Variants in ZNF75A observed in about 807,000 individuals in gnomAD.
ZNF75A encodes the protein zinc finger protein 75A.
Under a neutral mutation model 46.3 loss-of-function variants are expected in ZNF75A, and 36 were observed. The observed-to-expected ratio is 0.78, with a 90% CI of 0.60 to 1.03. The LOEUF (loss-of-function observed/expected upper bound fraction) is 1.03. Ranked by LOEUF, ZNF75A falls within the 50% of genes least tolerant of loss-of-function variation. The pLI is 0.00. For missense variants in ZNF75A, 595 were observed against 551.3 expected, an observed-to-expected ratio of 1.08 and a Z score of -0.79; for synonymous variants, 234 against 189.9, an observed-to-expected ratio of 1.23 and a Z score of -1.91.
At chr16:3,312,189 G>A (rs995194329) in intron 3 of ZNF75A, 5 of 152,626 alleles carry the variant, frequency 3.3e-5, no homozygotes, top group Admixed American at 2.6e-4. Context: ...TGTGAACTCT[G>A]TTCCTTAGAC....
At chr16:3,310,486 A>G (rs1160617942) in intron 2 of ZNF75A, 2 of 158,854 alleles carry the variant, frequency 1.3e-5, no homozygotes, top group Non-Finnish European at 2.7e-5. Context: ...TCAGCTGGGC[A>G]TGGTGGCGTG....
At chr16:3,315,043 G>T (rs575535695) in intron 5 of ZNF75A, 1 of 985,256 alleles carries the variant, frequency 1.0e-6, no homozygotes, top group East Asian at 1.1e-4. Context: ...AGCTTTTCCA[G>T]ATGTACGTGC....
At chr16:3,322,922 G>A (rs554224666), downstream of ZNF75A, 3 of 985,292 alleles carry the variant, frequency 3.0e-6, no homozygotes, top group East Asian at 3.4e-4. Context: ...TAGGATAGAA[G>A]ATTCAACAAA....
Position 3,316,937 on chromosome 16 carries a change from A to C in ZNF75A, c.849A>C (p.Lys283Asn). 3 of 1,613,600 alleles carry C rather than the reference A, an allele frequency of 1.9e-6. No homozygotes were observed. The highest frequency in any genetic ancestry group is 2.5e-6 in the Non-Finnish European group (3 of 1,179,816). The change falls in exon 6 of 7, where the codon AAA becomes AAC. Residue 283 changes from lysine to asparagine, a missense_variant. Lys to Asn is a moderately conservative substitution (Grantham distance 94). Transcript: ENST00000669516. Reference sequence around the variant, plus strand: ...CATTGTTTGTGCTCCCCAAACCTAAAGTGATCTCCTGTCTAGAGCAAGGGG... The same window carrying C: ...CATTGTTTGTGCTCCCCAAACCTAACGTGATCTCCTGTCTAGAGCAAGGGG... ...SLALFVLPKP[K>N]VISCLEQGEE...
intron 2 of ZNF75A, chr16:3,311,039 CTT>C (rs1395659879): frequency 4.2e-6 from 3 of 721,786 alleles, no homozygotes; most frequent in East Asian, 2.6e-4. Flanking sequence ...GACAGGAAAA[CTT>C]TTAAATTCAT....
intron 5 of ZNF75A, chr16:3,314,922 G>A: frequency 1.0e-6 from 1 of 985,344 alleles, no homozygotes. Context: ...TCTGTTCTCA[G>A]TTTACTGAGA....
chr16:3,322,900 A>G (rs1425024059), downstream of ZNF75A: 1 of 985,148 alleles, frequency 1.0e-6, no homozygotes, highest in Non-Finnish European at 1.2e-6. Context: ...CTCATTCACC[A>G]ACATTAAACC....
chr16:3,309,843 A>C (rs1020107800), intron 2 of ZNF75A, among the ~76,000 whole-genome samples: 4 of 151,846 alleles, frequency 2.6e-5, no homozygotes, highest in African/African-American at 9.7e-5. Context: ...TCGGTGGCTC[A>C]TGCCTATATT....
downstream of ZNF75A, among the ~76,000 whole-genome samples, chr16:3,321,462 G>A (rs1177731611): frequency 1.3e-5 from 2 of 152,128 alleles, no homozygotes; most frequent in Admixed American, 6.5e-5. Flanking sequence ...TAAGCAGACT[G>A]GACCTTGAGC....
In ZNF75A at chr16:3,318,553, A is replaced by G. The variant is rs919473737; in HGVS notation, c.*684A>G. ...ATATTAGATGTAAAGAATTTTCTGCAATAAAAGAAACTAGACTTGTTAATC... is the reference window on the plus strand; with the variant it reads ...ATATTAGATGTAAAGAATTTTCTGCGATAAAAGAAACTAGACTTGTTAATC... On this transcript the variant is annotated 3_prime_UTR_variant, in exon 7 of 7. Coordinates refer to ENST00000669516, the MANE Select transcript of ZNF75A (RefSeq NM_001302109.2). 2.0e-6 allele frequency: 2 copies of G among 985,350 alleles called. No individual in the cohort carries two copies. Among genetic ancestry groups the G allele is most frequent in the African/African-American group, 1.7e-5 (1 of 57,248 alleles). The allele number at this position is 985,350 out of a possible 1,614,324, so 61.0% of individuals were successfully genotyped here.
In ZNF75A at chr16:3,317,672, T is replaced by A; in HGVS notation, c.1417T>A (p.Leu473Ile). ...CGKSFSQNTN[L>I]HTHQRTHTGE... is the part of the protein sequence containing the mutation. ...GAAAAGCTTCAGTCAAAATACAAAT[T>A]TACATACACACCAAAGAACTCATAC... is the stretch of plus-strand genomic sequence containing the variant. Residue 473 changes from leucine (L) to isoleucine (I), a missense_variant, in exon 7 of 7, where the codon TTA (leucine) becomes ATA (isoleucine). Physicochemically the swap from Leu to Ile is conservative, Grantham distance 5. Coordinates refer to ENST00000669516, the MANE Select transcript of ZNF75A (RefSeq NM_001302109.2). 1 of 1,613,976 alleles carries A rather than the reference T, an allele frequency of 6.2e-7. No homozygotes were observed. The highest frequency in any genetic ancestry group is 8.5e-7 in the Non-Finnish European group (1 of 1,179,980).
chr16:3,316,712 A>T (rs1313331483), intron 5 of ZNF75A, 200 bp from the exon 6 acceptor site: 1 of 440,276 alleles, frequency 2.3e-6, no homozygotes, highest in Non-Finnish European at 4.0e-6. Flanking sequence ...CCGTAGATTT[A>T]TTTCTTAGTC....
chr16:3,310,957 G>A, intron 2 of ZNF75A: 2 of 985,400 alleles, frequency 2.0e-6, no homozygotes, highest in Non-Finnish European at 2.4e-6. Flanking sequence ...GTAGGTTGGA[G>A]CCACTCCCCT....
chr16:3,318,028 G>A lies in ZNF75A; in HGVS notation c.*159G>A, dbSNP rs1462344228. The A allele has an allele frequency of 2.8e-6, 4 of 1,415,800 alleles. No individual in the cohort carries two copies. The highest frequency in any genetic ancestry group is 3.1e-5 in the Admixed American group (1 of 32,424). 87.7% of individuals were successfully genotyped at this position (1,415,800 alleles called of 1,614,324 possible). A position where few individuals can be genotyped will look rare whatever the true frequency, so the allele number is the denominator to read the frequency against. ...GAAAATAATCAAGACTTGCTCTGCA[G>A]CCACTCAGTAGTCTTCTGTGGTCAC... is the stretch of plus-strand genomic sequence containing the variant. On this transcript the variant is annotated 3_prime_UTR_variant, in exon 7 of 7. Coordinates refer to ENST00000669516, the MANE Select transcript of ZNF75A (RefSeq NM_001302109.2).
At chr16:3,320,266 G>C (rs963324895), downstream of ZNF75A, among the ~76,000 whole-genome samples, 2 of 152,136 alleles carry the variant, frequency 1.3e-5, no homozygotes, top group African/African-American at 2.4e-5. Flanking sequence ...GGATGGTCTT[G>C]GTCTCCTGAC....
At chr16:3,314,879 AT>A (rs1961082484) in intron 5 of ZNF75A, 3 of 985,242 alleles carry the variant, frequency 3.0e-6, no homozygotes, top group Non-Finnish European at 3.6e-6. Flanking sequence ...CTAGGTAAAG[AT>A]TCTCCCTTCT....
intron 2 of ZNF75A, among the ~76,000 whole-genome samples, chr16:3,310,085 C>T (rs1041819991): frequency 6.6e-6 from 1 of 151,730 alleles, no homozygotes; most frequent in African/African-American, 2.4e-5. Flanking sequence ...CAGAGTGAGA[C>T]CTTGTCTCTT....
In ZNF75A at chr16:3,308,417, TC is replaced by T; in HGVS notation, c.-10del. On this transcript the variant is annotated 5_prime_UTR_variant, in exon 2 of 7. Coordinates refer to ENST00000669516, the MANE Select transcript of ZNF75A (RefSeq NM_001302109.2). ...GGTGTCTTAACACAGGAGCAGAACT[TC>T]CTAGAGCAGAATGATGATGGTAGAT... 1.0e-6 allele frequency: 1 copy of T among 985,860 alleles called. No individual in the cohort carries two copies. Among genetic ancestry groups the T allele is most frequent in the Non-Finnish European group, 1.2e-6 (1 of 829,952 alleles). 61.1% of individuals were successfully genotyped at this position (985,860 alleles called of 1,614,324 possible). A position where few individuals can be genotyped will look rare whatever the true frequency, so the allele number is the denominator to read the frequency against.
intron 3 of ZNF75A, chr16:3,312,173 TA>T (rs1318815041): frequency 1.3e-5 from 2 of 152,934 alleles, no homozygotes; most frequent in African/African-American, 4.8e-5. Context: ...CTCTTGGTAA[TA>T]ACAGTGTGAA....
Sources: gnomAD v4.1 joint callset for allele counts (sites outside exome capture counted in the v4.1 genomes callset) on GRCh38, gnomAD v4.1.1 for gene constraint, MANE v1.5 for transcripts, NCBI Gene and HGNC (gene_info 2026-07-23, HGNC 2026-07-21) for gene names.